TRIQK: variants seen among roughly 807,000 people sequenced by gnomAD.
The protein encoded by TRIQK is triple QxxK/R motif-containing protein.
Under a neutral mutation model 10.8 loss-of-function variants are expected in TRIQK, and 10 were observed. That is an observed-to-expected ratio of 0.92 (90% CI 0.57 to 1.57). The LOEUF is 1.57. Among genes scored for constraint, TRIQK ranks in the 40% most tolerant of loss-of-function variants. The pLI is 0.00. For missense variants in TRIQK, 107 were observed against 97.7 expected (o/e 1.09, Z -0.40); for synonymous variants, 33 against 33.7 (o/e 0.98, Z 0.07).
rs1411703055 is a variant in TRIQK at position 92,949,673 on chromosome 8, AAAGAAAG to A, written c.-22+4726_-22+4732del. 1.3e-3 allele frequency among the ~76,000 whole-genome samples: 27 copies of A among 20,956 alleles called. No homozygotes were observed. In the South Asian group the frequency reaches 0.075, roughly 59 times the overall value. 13.7% of individuals were successfully genotyped at this position (20,956 alleles called of 152,430 possible). A position where few individuals can be genotyped will look rare whatever the true frequency, so the allele number is the denominator to read the frequency against. ...GAAAGGGAAGGAAAGAAAGAGAAGG[AAAGAAAG>A]AAAGAAAGAAAGAAAGAAAAGAGAA... On this transcript the variant is annotated intron_variant, in intron 2 of 4. Transcript: ENST00000521988.
intron 2 of TRIQK, among the ~76,000 whole-genome samples, chr8:92,927,435 AC>A (rs1176116161): frequency 6.7e-6 from 1 of 148,564 alleles, no homozygotes; most frequent in Non-Finnish European, 1.5e-5. Context: ...TAAAAAAAAA[AC>A]AAATAACAAA....
At chr8:92,922,656 A>G (rs1022303238) in intron 2 of TRIQK, 103 of 151,980 alleles carry the variant, frequency 6.8e-4, no homozygotes, top group African/African-American at 2.3e-3. Flanking sequence ...TTACCAAAGT[A>G]GCTGAATTTT....
At chr8:92,922,958 T>G (rs1810261702) in intron 2 of TRIQK, among the ~76,000 whole-genome samples, 1 of 151,806 alleles carries the variant, frequency 6.6e-6, no homozygotes, top group African/African-American at 2.4e-5. Flanking sequence ...AAATAACGTT[T>G]TACCAAATGA....
chr8:92,951,132 CTTTT>C (rs374890641), intron 2 of TRIQK, among the ~76,000 whole-genome samples: 2 of 150,190 alleles, frequency 1.3e-5, no homozygotes, highest in Non-Finnish European at 3.0e-5. Flanking sequence ...ATTTTTATTG[CTTTT>C]TTTTTATCCT....
chr8:93,012,054 C>T (rs937910655), intron 1 of TRIQK, among the ~76,000 whole-genome samples: 1 of 151,906 alleles, frequency 6.6e-6, no homozygotes, highest in Non-Finnish European at 1.5e-5. Context: ...GATACGTACT[C>T]AGAAGGCAAG....
chr8:92,959,751 C>A (rs1316742159), intron 1 of TRIQK, among the ~76,000 whole-genome samples: 5 of 152,068 alleles, frequency 3.3e-5, no homozygotes, highest in African/African-American at 1.2e-4. Context: ...TGCTTTTCAA[C>A]TTATGATAGG....
At chr8:92,971,448 C>G (rs1812876904) in intron 1 of TRIQK, among the ~76,000 whole-genome samples, 1 of 152,106 alleles carries the variant, frequency 6.6e-6, no homozygotes, top group Non-Finnish European at 1.5e-5. Context: ...TCAGAAAAGT[C>G]TCAGGATACA....
At chr8:92,955,861 C>T (rs1241719029) in intron 1 of TRIQK, among the ~76,000 whole-genome samples, 2 of 151,456 alleles carry the variant, frequency 1.3e-5, no homozygotes, top group Non-Finnish European at 3.0e-5. Flanking sequence ...AAATAAAAAC[C>T]ACAATGAGAT....
At position 92,982,216 on chromosome 8, in the gene TRIQK, G is replaced by A. The variant is rs187599837; in HGVS notation, c.-180-27652C>T. On this transcript the variant is annotated intron_variant, in intron 1 of 4. Coordinates refer to the TRIQK transcript ENST00000520686. ...TTATTTGAAATCTGGTAAATTAGCA[G>A]TTGCATAATTTTCAGTACTACATCA... Among the ~76,000 whole-genome samples, 512 of 151,846 alleles carry A rather than the reference G, an allele frequency of 3.4e-3. 1 individual carries two copies. Among genetic ancestry groups the A allele is most frequent in the African/African-American group, 0.012 (487 of 41,470 alleles).
intron 1 of TRIQK, among the ~76,000 whole-genome samples, chr8:93,002,819 C>G (rs181027703): frequency 1.5e-3 from 230 of 151,736 alleles, no homozygotes; most frequent in South Asian, 6.2e-3. Flanking sequence ...ACTTGGAAGA[C>G]TAAGGCCAGA....
At chr8:92,938,288 G>A (rs1222539267) in intron 2 of TRIQK, among the ~76,000 whole-genome samples, 4 of 151,264 alleles carry the variant, frequency 2.6e-5, no homozygotes, top group Non-Finnish European at 5.9e-5. Flanking sequence ...ATATATATTC[G>A]AGGTGTACAA....
At chr8:92,935,824 T>A (rs148927930) in intron 2 of TRIQK, among the ~76,000 whole-genome samples, 1 of 151,486 alleles carries the variant, frequency 6.6e-6, no homozygotes, top group Non-Finnish European at 1.5e-5. Flanking sequence ...ATCAATAAAT[T>A]TAAAAATTAA....
chr8:92,979,590 G>A (rs1359222933), intron 1 of TRIQK, among the ~76,000 whole-genome samples: 1 of 151,902 alleles, frequency 6.6e-6, no homozygotes, highest in Admixed American at 6.6e-5. Flanking sequence ...AATAACAATT[G>A]TCCTTATTCT....
rs890764408 is a variant in TRIQK, at chr8:92,884,586, T to G, written c.*2036A>C. The G allele has an allele frequency of 6.3e-6, 2 of 319,632 alleles. No homozygotes were observed. The highest frequency in any genetic ancestry group is 2.2e-5 in the African/African-American group (1 of 46,038). 19.8% of individuals were successfully genotyped at this position (319,632 alleles called of 1,614,324 possible). A position where few individuals can be genotyped will look rare whatever the true frequency, so the allele number is the denominator to read the frequency against. On this transcript the variant is annotated 3_prime_UTR_variant, in exon 5 of 5. Transcript: ENST00000521988. The stretch of plus-strand genomic sequence containing the variant: ...AAAACATTTTTCCCCAAAAAATACC[T>G]CAAGGGTAAAACAGAATGGTAAAGT...
At chr8:92,970,060 T>TA (rs1457002964), upstream of TRIQK, among the ~76,000 whole-genome samples, 9 of 152,152 alleles carry the variant, frequency 5.9e-5, no homozygotes, top group Non-Finnish European at 1.0e-4. Context: ...TTTCTGTTCT[T>TA]ACATTAGTTT....
intron 1 of TRIQK, among the ~76,000 whole-genome samples, chr8:93,017,190 A>AAG (rs1813393823): frequency 6.9e-6 from 1 of 145,976 alleles, no homozygotes. Context: ...AATATATACC[A>AAG]ATATCAGGAA....
chr8:92,953,691 G>A (rs1424735531), intron 2 of TRIQK: 1 of 151,948 alleles, frequency 6.6e-6, no homozygotes, highest in Non-Finnish European at 1.5e-5. Flanking sequence ...AGAGAATAAC[G>A]ATGAGCAGAG....
chr8:92,948,793 T>G (rs1161200646), intron 2 of TRIQK, among the ~76,000 whole-genome samples: 2 of 152,256 alleles, frequency 1.3e-5, no homozygotes, highest in Non-Finnish European at 2.9e-5. Context: ...TGTTTAATTA[T>G]TGTAAACTTA....
intron 1 of TRIQK, among the ~76,000 whole-genome samples, chr8:92,981,478 C>A (rs1812986230): frequency 6.6e-6 from 1 of 151,924 alleles, no homozygotes; most frequent in South Asian, 2.1e-4. Context: ...TTTAAACTTT[C>A]TCACTATGAT....
Sources: allele counts gnomAD v4.1 joint callset (sites outside exome capture counted in the v4.1 genomes callset), GRCh38; gene constraint gnomAD v4.1.1; transcripts MANE v1.5; gene names NCBI Gene and HGNC (gene_info 2026-07-23, HGNC 2026-07-21).